The following TMEM131L variants were observed in gnomAD, a reference collection of about 807,000 sequenced individuals.
TMEM131L encodes transmembrane protein 131-like.
TMEM131L carries 54 observed loss-of-function variants against 192.2 expected under a neutral mutation model. The ratio of observed to expected loss-of-function variants is 0.28; its 90% confidence interval spans 0.23 to 0.35. The LOEUF (loss-of-function observed/expected upper bound fraction) is 0.35, where lower values mean the gene tolerates loss of function less well. Ranked by LOEUF, TMEM131L falls within the 10% of genes least tolerant of loss-of-function variation. TMEM131L has a pLI of 1.00. For synonymous variants in TMEM131L, 701 were observed against 704.9 expected (o/e 0.99, Z 0.09); for missense variants, 1,888 against 1,972.9 (o/e 0.96, Z 0.82).
chr4:153,566,916 G>T (rs375853443), intron 7 of TMEM131L, among the ~76,000 whole-genome samples: 1 of 152,224 alleles, frequency 6.6e-6, no homozygotes, highest in African/African-American at 2.4e-5. Flanking sequence ...TGCTTTCAGC[G>T]TGTGGTGTCA....
chr4:153,627,733 G>A lies in TMEM131L; in HGVS notation c.4207+46G>A, dbSNP rs754232568. On this transcript the variant is annotated intron_variant, in intron 31 of 34. Coordinates refer to ENST00000409959, the MANE Select transcript of TMEM131L (RefSeq NM_001131007.2). ...TGCAGACATCAGCCAAGGGTTCTGT[G>A]CTGTCTGTATTCCTGGCTGATGAGT... is the stretch of plus-strand genomic sequence containing the variant. The A allele has an allele frequency of 2.7e-6, 4 of 1,497,454 alleles. No homozygotes were observed. The Admixed American group carries it at 6.7e-5, about 25-fold the overall frequency. 92.8% of individuals were successfully genotyped at this position (1,497,454 alleles called of 1,614,324 possible).
At chr4:153,475,238 C>G (rs1731446999) in intron 3 of TMEM131L, among the ~76,000 whole-genome samples, 1 of 152,086 alleles carries the variant, frequency 6.6e-6, no homozygotes, top group African/African-American at 2.4e-5. Flanking sequence ...CAGATCGTTC[C>G]TTTTAGTAAA....
At chr4:153,590,489 A>G (rs1350377066) in intron 16 of TMEM131L, among the ~76,000 whole-genome samples, 1 of 152,192 alleles carries the variant, frequency 6.6e-6, no homozygotes, top group African/African-American at 2.4e-5. Flanking sequence ...TCCTTGTGTA[A>G]TTAATAAATC....
At chr4:153,471,349 AG>A (rs955887761) in intron 2 of TMEM131L, among the ~76,000 whole-genome samples, 26 of 151,954 alleles carry the variant, frequency 1.7e-4, no homozygotes, top group Admixed American at 1.5e-3. Flanking sequence ...TTCTCCTTTG[AG>A]GGGCTGGGCT....
chr4:153,623,490 G>A (rs1733601756), intron 29 of TMEM131L, among the ~76,000 whole-genome samples: 1 of 152,190 alleles, frequency 6.6e-6, no homozygotes, highest in Non-Finnish European at 1.5e-5. Flanking sequence ...CTGTACCCAT[G>A]AAACAATAAC....
intron 3 of TMEM131L, among the ~76,000 whole-genome samples, chr4:153,512,948 T>C (rs887246087): frequency 3.3e-5 from 5 of 152,254 alleles, no homozygotes; most frequent in Non-Finnish European, 4.4e-5. Flanking sequence ...ATGTGCAGGC[T>C]ATCTGCATGA....
chr4:153,573,528 G>A (rs1729732988), intron 7 of TMEM131L, among the ~76,000 whole-genome samples: 1 of 152,244 alleles, frequency 6.6e-6, no homozygotes, highest in Non-Finnish European at 1.5e-5. Context: ...GAAGCTGCCA[G>A]CCCAGGTTGT....
chr4:153,474,195 G>A lies in TMEM131L; in HGVS notation c.239+307G>A, dbSNP rs528390466. Among the ~76,000 whole-genome samples, 11 of 152,294 alleles carry A rather than the reference G, an allele frequency of 7.2e-5. No homozygotes were observed. The South Asian group carries it at 2.1e-3, about 29-fold the overall frequency. ...CTATTGAGTGCCAGGCACCGTGCTG[G>A]GTGCTGAACATGAAACACAAACAAG... On this transcript the variant is annotated intron_variant, in intron 3 of 34. Transcript: ENST00000409959.
intron 3 of TMEM131L, among the ~76,000 whole-genome samples, chr4:153,497,296 A>C (rs1218918632): frequency 1.3e-5 from 2 of 152,184 alleles, no homozygotes; most frequent in Non-Finnish European, 2.9e-5. Flanking sequence ...TCATGACATC[A>C]TTGAGCTACT....
At chr4:153,565,937 C>T (rs1466552566) in intron 7 of TMEM131L, among the ~76,000 whole-genome samples, 2 of 152,072 alleles carry the variant, frequency 1.3e-5, no homozygotes, top group African/African-American at 4.8e-5. Context: ...GGATTCAAGC[C>T]ATTGAGATTT....
chr4:153,489,056 A>G (rs970987348), intron 3 of TMEM131L, among the ~76,000 whole-genome samples: 14 of 152,268 alleles, frequency 9.2e-5, no homozygotes, highest in African/African-American at 3.1e-4. Context: ...GTCAGGTCAC[A>G]TTCTGAGGTA....
chr4:153,555,642 G>A lies in TMEM131L; in HGVS notation c.309-145G>A, dbSNP rs181031296. On this transcript the variant is annotated intron_variant, in intron 4 of 34. Coordinates refer to ENST00000409959, the MANE Select transcript of TMEM131L (RefSeq NM_001131007.2). The surrounding 1 kb of genome is among the most constrained non-coding windows in gnomAD (Gnocchi z 4.1). ...GAATTGAATGCTTTATTACCAACAC[G>A]ATTGGATAATTTAACTTTGTGATGA... The A allele has an allele frequency of 1.8e-5, 11 of 621,748 alleles. No individual in the cohort carries two copies. The highest frequency in any genetic ancestry group is 1.1e-4 in the African/African-American group (6 of 53,128). The allele number at this position is 621,748 out of a possible 1,614,324, so 38.5% of individuals were successfully genotyped here. A position where few individuals can be genotyped will look rare whatever the true frequency, so the allele number is the denominator to read the frequency against.
chr4:153,627,902 A>T (rs1403477658), intron 31 of TMEM131L, among the ~76,000 whole-genome samples: 1 of 152,144 alleles, frequency 6.6e-6, no homozygotes, highest in African/African-American at 2.4e-5. Flanking sequence ...ATCAATAGTG[A>T]GCCCCCTCCC....
At chr4:153,598,753 C>G (rs1731624524) in intron 21 of TMEM131L, 21 bp downstream of exon 21, 1 of 1,548,326 alleles carries the variant, frequency 6.5e-7, no homozygotes, top group Non-Finnish European at 8.8e-7. Flanking sequence ...ATGTGTGGCA[C>G]TCTGACAGGG....
chr4:153,589,109 C>T (rs1578811243), intron 16 of TMEM131L, 102 bp downstream of exon 16: 5 of 663,036 alleles, frequency 7.5e-6, no homozygotes, highest in Non-Finnish European at 1.1e-5. Flanking sequence ...CCCTCTCACC[C>T]CACCGTAGAT....
rs1254792700 is a variant in TMEM131L at position 153,534,880 on chromosome 4, C to G, written c.240-15193C>G. On this transcript the variant is annotated intron_variant, in intron 3 of 34. Coordinates refer to ENST00000409959, the MANE Select transcript of TMEM131L (RefSeq NM_001131007.2). ...GATATTCCCAGTGAAGCCAGAAGAC[C>G]CTTGTGGTGAGAGCACCGTGGGTAC... 5.9e-5 allele frequency among the ~76,000 whole-genome samples: 9 copies of G among 152,100 alleles called. No homozygotes were observed. The East Asian group carries it at 7.7e-4, about 13-fold the overall frequency.
At position 153,604,346 on chromosome 4, in the gene TMEM131L, A is replaced by G. The variant is rs1266602379; in HGVS notation, c.3334A>G (p.Lys1112Glu). 1.2e-6 allele frequency: 2 copies of G among 1,613,998 alleles called. No homozygotes were observed. The highest frequency in any genetic ancestry group is 1.7e-5 in the Admixed American group (1 of 59,992). ...GGAGCTCTGTCCACTGAAGACCTCC[A>G]AGAAACTACCTGAAAACCATTTACC... ...ERELCPLKTS[K>E]KLPENHLPRN... The change falls in exon 25 of 35, where the codon AAG becomes GAG. Residue 1112 changes from lysine (K) to glutamate (E), a missense_variant. Lys to Glu is a moderately conservative substitution (Grantham distance 56). Transcript: ENST00000409959.
intron 25 of TMEM131L, among the ~76,000 whole-genome samples, chr4:153,609,931 G>A (rs1045359986): frequency 6.6e-6 from 1 of 152,142 alleles, no homozygotes; most frequent in Admixed American, 6.5e-5. Flanking sequence ...GCTTTTGGCT[G>A]TCTGCTTTAC....
intron 11 of TMEM131L, 125 bp from the exon 12 acceptor site, chr4:153,584,710 G>C (rs991485014): frequency 1.6e-5 from 9 of 561,056 alleles, no homozygotes; most frequent in Admixed American, 3.4e-5. Context: ...TTTTATGTCT[G>C]ATTCACTATT....
Sources: gnomAD v4.1 joint callset for allele counts (sites outside exome capture counted in the v4.1 genomes callset) on GRCh38, gnomAD v4.1.1 for gene constraint, Gnocchi (gnomAD v3.1) non-coding constraint, MANE v1.5 for transcripts, NCBI Gene and HGNC (gene_info 2026-07-23, HGNC 2026-07-21) for gene names.